The following ARSK variants were observed in gnomAD, a reference collection of about 807,000 sequenced individuals.
The protein encoded by ARSK is arylsulfatase K.
In ARSK, 37 loss-of-function variants were observed where a neutral mutation model predicts 53.2. The ratio of observed to expected loss-of-function variants is 0.70; its 90% CI spans 0.54 to 0.92. The LOEUF (loss-of-function observed/expected upper bound fraction) is 0.92. Ranked by LOEUF, ARSK falls within the 40% of genes least tolerant of loss-of-function variation. ARSK has a pLI of 0.00. For synonymous variants in ARSK, 208 were observed against 223.2 expected (o/e 0.93, Z 0.61); for missense variants, 613 against 643.0 (o/e 0.95, Z 0.51).
chr5:95,557,026 T>C (rs971955947), intron 1 of ARSK: 24 of 151,256 alleles, frequency 1.6e-4, no homozygotes, highest in African/African-American at 5.8e-4. Flanking sequence ...AAAATAAAAA[T>C]AAAAATAAAA....
At chr5:95,592,342 A>G (rs1251531229) in intron 6 of ARSK, among the ~76,000 whole-genome samples, 6 of 152,224 alleles carry the variant, frequency 3.9e-5, no homozygotes, top group African/African-American at 1.2e-4. Context: ...TATGTTCTCT[A>G]ATTTCAGAAA....
rs56332534 is a variant in ARSK, at chr5:95,569,688, G to A, written c.416+1639G>A. ...TTAGACTTATAGCTTCCAGAACTGT[G>A]GGAGAACAGGTTCCTGTTGTTTTAA... On this transcript the variant is annotated intron_variant, in intron 3 of 7. Transcript: ENST00000380009. 3.4e-3 allele frequency among the ~76,000 whole-genome samples: 517 copies of A among 152,324 alleles called. 2 individuals are homozygous for A. Among genetic ancestry groups the A allele is most frequent in the Middle Eastern group, 0.01 (3 of 294 alleles).
intron 1 of ARSK, 98 bp from the exon 2 acceptor site, chr5:95,565,900 A>C (rs1371677384): frequency 1.1e-5 from 13 of 1,139,496 alleles, no homozygotes; most frequent in Non-Finnish European, 1.2e-5. Context: ...TCTTAAAATC[A>C]TATTGAAGTC....
intron 5 of ARSK, among the ~76,000 whole-genome samples, chr5:95,589,685 G>T (rs1055817967): frequency 6.6e-6 from 1 of 152,150 alleles, no homozygotes; most frequent in African/African-American, 2.4e-5. Context: ...TTGTTGGTGG[G>T]CATTTGTGTT....
chr5:95,589,692 T>G (rs188203405), intron 5 of ARSK, among the ~76,000 whole-genome samples: 8 of 152,336 alleles, frequency 5.3e-5, no homozygotes, highest in African/African-American at 1.9e-4. Flanking sequence ...TGGGCATTTG[T>G]GTTGATTCCA....
intron 6 of ARSK, among the ~76,000 whole-genome samples, chr5:95,594,226 A>G (rs1325675957): frequency 6.6e-6 from 1 of 152,210 alleles, no homozygotes; most frequent in African/African-American, 2.4e-5. Flanking sequence ...AATGGTAGAA[A>G]GAGAACAATG....
chr5:95,603,140 T>TAA, intron 7 of ARSK, 97 bp from the exon 8 acceptor site: 11 of 917,510 alleles, frequency 1.2e-5, no homozygotes, highest in South Asian at 1.2e-4. Flanking sequence ...ACTGAAAATC[T>TAA]AAAAAAAAAA....
At chr5:95,572,182 T>C (rs1354803467) in intron 3 of ARSK, among the ~76,000 whole-genome samples, 4 of 152,192 alleles carry the variant, frequency 2.6e-5, no homozygotes, top group Non-Finnish European at 4.4e-5. Flanking sequence ...CTAGGATCGC[T>C]ATGGGCTGCA....
intron 3 of ARSK, among the ~76,000 whole-genome samples, chr5:95,578,333 T>C (rs1748962595): frequency 6.6e-6 from 1 of 151,322 alleles, no homozygotes; most frequent in African/African-American, 2.4e-5. Context: ...TTTTTTTTTT[T>C]TTTTTGTAGA....
In ARSK at chr5:95,603,740, T is replaced by C; in HGVS notation, c.*214T>C. The C allele has an allele frequency of 3.3e-6, 1 of 301,166 alleles. No homozygotes were observed. Among genetic ancestry groups the C allele is most frequent in the Non-Finnish European group, 6.0e-6 (1 of 167,246 alleles). 18.7% of individuals were successfully genotyped at this position (301,166 alleles called of 1,614,324 possible). A position where few individuals can be genotyped will look rare whatever the true frequency, so the allele number is the denominator to read the frequency against. On this transcript the variant is annotated 3_prime_UTR_variant, in exon 8 of 8. Coordinates refer to ENST00000380009, the MANE Select transcript of ARSK (RefSeq NM_198150.3). ...CTGGCCAACATGGTGAAACCCTGTC[T>C]CTACTAAAAATACAAAAATTAGCTG...
At position 95,559,114 on chromosome 5, in the gene ARSK, A is replaced by C. The variant is rs186716716; in HGVS notation, c.126+3710A>C. ...CCGAGACGTGCCATTGCACTCCAGC[A>C]TGGACAAAAGAGCAAGACTCCATCT... On this transcript the variant is annotated intron_variant, in intron 1 of 7. Coordinates refer to ENST00000380009, the MANE Select transcript of ARSK (RefSeq NM_198150.3). Among the ~76,000 whole-genome samples, 241 of 152,306 alleles carry C rather than the reference A, an allele frequency of 1.6e-3. 3 individuals are homozygous for C. Among genetic ancestry groups the C allele is most frequent in the African/African-American group, 5.7e-3 (235 of 41,558 alleles).
chr5:95,582,454 A>G (rs1200668975), intron 3 of ARSK, among the ~76,000 whole-genome samples: 1 of 152,188 alleles, frequency 6.6e-6, no homozygotes, highest in East Asian at 1.9e-4. Flanking sequence ...GAAACAATTT[A>G]AAACCTGAAA....
At position 95,587,636 on chromosome 5, in the gene ARSK, T is replaced by C. The variant is rs1749143240; in HGVS notation, c.871+903T>C. Reference sequence around the variant, plus strand: ...TGTATTGGCCAGGTATAAAAATGTATAGGCTCATGCCTATAATCCCAGCAC... The same window carrying C: ...TGTATTGGCCAGGTATAAAAATGTACAGGCTCATGCCTATAATCCCAGCAC... On this transcript the variant is annotated intron_variant, in intron 5 of 7. Coordinates refer to ENST00000380009, the MANE Select transcript of ARSK (RefSeq NM_198150.3). Among the ~76,000 whole-genome samples, 3 of 152,308 alleles carry C rather than the reference T, an allele frequency of 2.0e-5. No individual in the cohort carries two copies. In the South Asian group the frequency reaches 6.2e-4, roughly 32 times the overall value.
intron 3 of ARSK, among the ~76,000 whole-genome samples, chr5:95,569,785 A>C (rs1271531748): frequency 1.3e-5 from 2 of 152,188 alleles, no homozygotes; most frequent in Non-Finnish European, 2.9e-5. Flanking sequence ...GTAAACAGAT[A>C]CTAAAATAAT....
intron 6 of ARSK, among the ~76,000 whole-genome samples, chr5:95,596,092 C>T (rs532950951): frequency 6.6e-6 from 1 of 152,220 alleles, no homozygotes; most frequent in African/African-American, 2.4e-5. Context: ...AAACAAAGAT[C>T]ATTCTGATGG....
At chr5:95,597,162 T>G (rs1749322737) in intron 6 of ARSK, among the ~76,000 whole-genome samples, 1 of 152,178 alleles carries the variant, frequency 6.6e-6, no homozygotes, top group Middle Eastern at 3.2e-3. Flanking sequence ...GTTAAAATTG[T>G]TTTGATTTTT....
chr5:95,572,900 A>C (rs77354881), intron 3 of ARSK, among the ~76,000 whole-genome samples: 3 of 151,982 alleles, frequency 2.0e-5, no homozygotes, highest in South Asian at 4.2e-4. Context: ...CCCCACCTCT[A>C]CCCCTTAGCT....
chr5:95,596,106 A>G (rs1749303609), intron 6 of ARSK, among the ~76,000 whole-genome samples: 1 of 152,206 alleles, frequency 6.6e-6, no homozygotes, highest in African/African-American at 2.4e-5. Flanking sequence ...CTGATGGTCT[A>G]CGTTTAATCT....
chr5:95,583,079 T>C lies in ARSK; in HGVS notation c.580T>C (p.Tyr194His). Residue 194 changes from tyrosine (Y) to histidine (H), a missense_variant, in exon 4 of 8, where the codon TAC becomes CAC. Transcript: ENST00000380009. ...VNWLRKEAIN[Y>H]TEPFVIYLGL... The stretch of plus-strand genomic sequence containing the variant: ...CTGGTTAAGAAAGGAAGCAATTAAT[T>C]ACACTGAACCATTTGTTATTTACTT... The C allele has an allele frequency of 1.2e-6, 2 of 1,613,784 alleles. No homozygotes were observed. The highest frequency in any genetic ancestry group is 8.5e-7 in the Non-Finnish European group (1 of 1,179,734).
Sources: allele counts gnomAD v4.1 joint callset (sites outside exome capture counted in the v4.1 genomes callset), GRCh38; gene constraint gnomAD v4.1.1; transcripts MANE v1.5; gene names NCBI Gene and HGNC (gene_info 2026-07-23, HGNC 2026-07-21).